THSD7A: variants seen among roughly 807,000 people sequenced by gnomAD.
The protein encoded by THSD7A is thrombospondin type 1 domain containing 7A, also known as thrombospondin type-1 domain-containing protein 7A.
THSD7A carries 96 observed loss-of-function variants against 231.3 expected under a neutral mutation model. The observed-to-expected ratio is 0.41, with a 90% CI of 0.35 to 0.49. The LOEUF (loss-of-function observed/expected upper bound fraction) is 0.49, where lower values mean the gene tolerates loss of function less well. Ranked by LOEUF, THSD7A falls within the 20% of genes least tolerant of loss-of-function variation. The pLI, the probability that THSD7A is intolerant of heterozygous loss-of-function variation, is 0.05. For synonymous variants in THSD7A, 940 were observed against 743.3 expected (o/e 1.26, Z -4.30); for missense variants, 2,290 against 2,070.2 (o/e 1.11, Z -2.06).
intron 6 of THSD7A, among the ~76,000 whole-genome samples, chr7:11,519,389 A>G (rs1043184132): frequency 6.6e-6 from 1 of 151,256 alleles, no homozygotes; most frequent in Admixed American, 6.6e-5. Context: ...CTTCCTTTAC[A>G]TGTATTTAAT....
chr7:11,763,413 T>A (rs1214933478), intron 1 of THSD7A, among the ~76,000 whole-genome samples: 1 of 152,216 alleles, frequency 6.6e-6, no homozygotes, highest in African/African-American at 2.4e-5. Flanking sequence ...TTTACATACA[T>A]CAAAATAGTT....
In THSD7A at chr7:11,561,409, T is replaced by C. The variant is rs112704657; in HGVS notation, c.1454-18292A>G. Among the ~76,000 whole-genome samples the C allele has an allele frequency of 5.3e-3, 804 of 152,334 alleles. 10 individuals are homozygous for C. The highest frequency in any genetic ancestry group is 0.018 in the African/African-American group (762 of 41,578). ...GTGAGAAATGGAAACTAAATTTTCCTTCTGCTAGATACCAATAACTACCTG... is the reference window on the plus strand; with the variant it reads ...GTGAGAAATGGAAACTAAATTTTCCCTCTGCTAGATACCAATAACTACCTG... On this transcript the variant is annotated intron_variant, in intron 4 of 27. Transcript: ENST00000423059.
rs551961827 is a variant in THSD7A, at chr7:11,375,446, C to A, written c.*348G>T. On this transcript the variant is annotated 3_prime_UTR_variant, in exon 28 of 28. Coordinates refer to ENST00000423059, the MANE Select transcript of THSD7A (RefSeq NM_015204.3). ...TAGGAAGTTTTATGGATTAACACTG[C>A]AGACGGTCTTGTATCAGGCATCCTA... The A allele has an allele frequency of 4.9e-4, 90 of 183,080 alleles. No homozygotes were observed. The highest frequency in any genetic ancestry group is 1.9e-3 in the African/African-American group (80 of 42,520). 11.3% of individuals were successfully genotyped at this position (183,080 alleles called of 1,614,324 possible). A position where few individuals can be genotyped will look rare whatever the true frequency, so the allele number is the denominator to read the frequency against.
intron 1 of THSD7A, among the ~76,000 whole-genome samples, chr7:11,759,885 T>G (rs936706194): frequency 2.6e-5 from 4 of 152,054 alleles, no homozygotes; most frequent in African/African-American, 7.2e-5. Context: ...CTATGTTGCA[T>G]AGAGAAGTTA....
At chr7:11,390,634 C>G (rs138456959) in intron 23 of THSD7A, among the ~76,000 whole-genome samples, 271 of 152,262 alleles carry the variant, frequency 1.8e-3, no homozygotes, top group African/African-American at 6.2e-3. Flanking sequence ...TGTTCCCTTG[C>G]TGGTGAGGAG....
chr7:11,538,307 T>A (rs1338433695), intron 6 of THSD7A, among the ~76,000 whole-genome samples: 2 of 152,126 alleles, frequency 1.3e-5, no homozygotes, highest in Admixed American at 1.3e-4. Flanking sequence ...ATATTCGATA[T>A]CTGAAATAGC....
intron 23 of THSD7A, chr7:11,384,367 TTTTAA>T (rs1281339992): frequency 1.8e-4 from 28 of 151,860 alleles, no homozygotes; most frequent in African/African-American, 6.5e-4. Context: ...AAGTTTTAAA[TTTTAA>T]TTTAAAGAAA....
At chr7:11,470,025 C>T in intron 8 of THSD7A, 31 bp from the exon 9 acceptor site, 6 of 1,402,132 alleles carry the variant, frequency 4.3e-6, no homozygotes, top group Non-Finnish European at 5.9e-6. Flanking sequence ...TATTAGGCTT[C>T]AATAGTAAAG....
intron 1 of THSD7A, among the ~76,000 whole-genome samples, chr7:11,725,795 T>C (rs759803040): frequency 1.3e-5 from 2 of 151,792 alleles, no homozygotes; most frequent in African/African-American, 4.8e-5. Flanking sequence ...TGAACCAAAC[T>C]GTAGATTCAG....
intron 24 of THSD7A, among the ~76,000 whole-genome samples, chr7:11,381,859 A>G (rs1782529162): frequency 6.6e-6 from 1 of 152,148 alleles, no homozygotes; most frequent in African/African-American, 2.4e-5. Context: ...TACAGGCTTC[A>G]GATAGGCTTT....
At chr7:11,777,733 A>AATTAAT (rs1783462996) in intron 1 of THSD7A, among the ~76,000 whole-genome samples, 1 of 152,134 alleles carries the variant, frequency 6.6e-6, no homozygotes, top group Admixed American at 6.5e-5. Flanking sequence ...CTCCATATTA[A>AATTAAT]ATTAATATTT....
chr7:11,813,898 T>G (rs1156771453), intron 1 of THSD7A, among the ~76,000 whole-genome samples: 3 of 152,124 alleles, frequency 2.0e-5, no homozygotes, highest in Non-Finnish European at 4.4e-5. Flanking sequence ...AGTAGCATGA[T>G]TCATAATAGC....
chr7:11,626,818 G>C (rs1781485629), intron 2 of THSD7A, among the ~76,000 whole-genome samples: 1 of 152,036 alleles, frequency 6.6e-6, no homozygotes, highest in African/African-American at 2.4e-5. Flanking sequence ...CAATTATTTA[G>C]TGTTAACCAG....
intron 1 of THSD7A, among the ~76,000 whole-genome samples, chr7:11,829,405 G>A (rs1372707621): frequency 6.6e-6 from 1 of 151,944 alleles, no homozygotes; most frequent in Non-Finnish European, 1.5e-5. Flanking sequence ...TACAAAATAG[G>A]AAGCCAAGAA....
chr7:11,655,024 T>A (rs1015179628), intron 1 of THSD7A, among the ~76,000 whole-genome samples: 1 of 151,782 alleles, frequency 6.6e-6, no homozygotes, highest in Non-Finnish European at 1.5e-5. Flanking sequence ...CTTCCAACCA[T>A]CAGAAGTTAA....
chr7:11,413,502 A>G (rs970050936), intron 17 of THSD7A, among the ~76,000 whole-genome samples: 3 of 152,180 alleles, frequency 2.0e-5, no homozygotes, highest in African/African-American at 7.2e-5. Flanking sequence ...TTATAACAGT[A>G]AGAAAATTAT....
At chr7:11,413,211 T>G (rs573565330) in intron 17 of THSD7A, among the ~76,000 whole-genome samples, 1 of 152,172 alleles carries the variant, frequency 6.6e-6, no homozygotes, top group East Asian at 1.9e-4. Flanking sequence ...TGTTAGTGAC[T>G]TTCCTTTTCC....
At chr7:11,733,815 T>C (rs1781816473) in intron 1 of THSD7A, among the ~76,000 whole-genome samples, 1 of 151,934 alleles carries the variant, frequency 6.6e-6, no homozygotes, top group South Asian at 2.1e-4. Context: ...CATGATCTAG[T>C]TGATATACAA....
intron 1 of THSD7A, among the ~76,000 whole-genome samples, chr7:11,823,918 G>A (rs1279596570): frequency 2.0e-5 from 3 of 151,596 alleles, no homozygotes; most frequent in African/African-American, 7.3e-5. Flanking sequence ...ACTGTGCGAC[G>A]TACACCAAGA....
Sources: gnomAD v4.1 joint callset for allele counts (sites outside exome capture counted in the v4.1 genomes callset) on GRCh38, gnomAD v4.1.1 for gene constraint, MANE v1.5 for transcripts, NCBI Gene and HGNC (gene_info 2026-07-23, HGNC 2026-07-21) for gene names.